TSPAN9: variants seen among roughly 807,000 people sequenced by gnomAD.
TSPAN9 encodes tetraspanin 9, also known as tetraspanin-9.
In TSPAN9, 16 loss-of-function variants were observed where a neutral mutation model predicts 31.0. That is an observed-to-expected ratio of 0.52 (90% CI 0.35 to 0.78). TSPAN9 has a LOEUF of 0.78. TSPAN9 is among the 30% of genes least tolerant of loss of function. TSPAN9 has a pLI of 0.01. For synonymous variants in TSPAN9, 145 were observed against 121.6 expected, an observed-to-expected ratio of 1.19 and a Z score of -1.27; for missense variants, 272 against 312.5, an observed-to-expected ratio of 0.87 and a Z score of 0.98.
At chr12:3,140,352 G>A (rs546603903) in intron 2 of TSPAN9, among the ~76,000 whole-genome samples, 5 of 152,256 alleles carry the variant, frequency 3.3e-5, no homozygotes, top group Non-Finnish European at 7.4e-5. Flanking sequence ...CATCGAACAA[G>A]ATACGGGCCA....
chr12:3,095,927 A>G (rs1415990821), intron 2 of TSPAN9, among the ~76,000 whole-genome samples: 2 of 147,716 alleles, frequency 1.4e-5, no homozygotes, highest in Non-Finnish European at 3.0e-5. Flanking sequence ...CACTTCCCAG[A>G]CGGGGTGGCG....
intron 2 of TSPAN9, among the ~76,000 whole-genome samples, chr12:3,176,466 G>T (rs533960720): frequency 6.6e-6 from 1 of 152,372 alleles, no homozygotes; most frequent in South Asian, 2.1e-4. Flanking sequence ...GTGGGCTGGG[G>T]ATTGTCACAT....
chr12:3,145,213 G>A (rs1427132469), intron 2 of TSPAN9, among the ~76,000 whole-genome samples: 1 of 152,168 alleles, frequency 6.6e-6, no homozygotes, highest in African/African-American at 2.4e-5. Flanking sequence ...GACCGCGACT[G>A]CCCTTGCATT....
At chr12:3,235,705 G>A (rs1488912832) in intron 3 of TSPAN9, among the ~76,000 whole-genome samples, 1 of 152,182 alleles carries the variant, frequency 6.6e-6, no homozygotes, top group Non-Finnish European at 1.5e-5. Context: ...TGGGGAAGGC[G>A]GTGCCTCTGT....
At chr12:3,093,852 G>A (rs1192408436) in intron 2 of TSPAN9, among the ~76,000 whole-genome samples, 1 of 152,060 alleles carries the variant, frequency 6.6e-6, no homozygotes, top group African/African-American at 2.4e-5. Context: ...TTGTTTTATT[G>A]TTAATTTGTA....
intron 3 of TSPAN9, among the ~76,000 whole-genome samples, chr12:3,216,990 T>C (rs1381036481): frequency 6.6e-6 from 1 of 152,092 alleles, no homozygotes; most frequent in Non-Finnish European, 1.5e-5. Flanking sequence ...TGAACTGCAG[T>C]TGGAGGAAGG....
rs897229447 is a variant in TSPAN9 at position 3,283,590 on chromosome 12, C to T, written c.*474C>T. ...TCTGGGCAAGGCCCCTGGAGCATCT[C>T]GCCCAGGCTTTTTATACCTTACAAT... On this transcript the variant is annotated 3_prime_UTR_variant, in exon 9 of 9. Transcript: ENST00000011898. 14 of 156,828 alleles carry T rather than the reference C, an allele frequency of 8.9e-5. No individual in the cohort carries two copies. Among genetic ancestry groups the T allele is most frequent in the East Asian group, 1.9e-4 (1 of 5,360 alleles). The allele number at this position is 156,828 out of a possible 1,614,324, so 9.7% of individuals were successfully genotyped here. A position where few individuals can be genotyped will look rare whatever the true frequency, so the allele number is the denominator to read the frequency against.
intron 3 of TSPAN9, among the ~76,000 whole-genome samples, chr12:3,217,620 CT>C (rs1231303880): frequency 6.6e-6 from 1 of 151,866 alleles, no homozygotes; most frequent in Non-Finnish European, 1.5e-5. Flanking sequence ...AATTCAGAGA[CT>C]TTTCCCTTTG....
intron 2 of TSPAN9, among the ~76,000 whole-genome samples, chr12:3,137,665 G>C (rs959169732): frequency 6.6e-6 from 1 of 152,114 alleles, no homozygotes; most frequent in African/African-American, 2.4e-5. Context: ...CTCCAGCTGC[G>C]TCCTCCCTGT....
At chr12:3,167,079 G>A (rs1405133293) in intron 2 of TSPAN9, among the ~76,000 whole-genome samples, 1 of 152,200 alleles carries the variant, frequency 6.6e-6, no homozygotes, top group Non-Finnish European at 1.5e-5. Flanking sequence ...TTACAGGTAT[G>A]AGCCACCACG....
intron 2 of TSPAN9, among the ~76,000 whole-genome samples, chr12:3,118,452 G>A (rs186647746): frequency 0.012 from 1,857 of 151,524 alleles, 31 homozygotes; most frequent in South Asian, 0.069. Flanking sequence ...GTAGAGACGG[G>A]GTTTTACCAT....
At chr12:3,097,697 C>G (rs889237727) in intron 2 of TSPAN9, among the ~76,000 whole-genome samples, 8 of 152,222 alleles carry the variant, frequency 5.3e-5, no homozygotes, top group African/African-American at 9.6e-5. Flanking sequence ...GGAATGGCTC[C>G]CCCCGCAATC....
chr12:3,126,671 G>A (rs188838937), intron 2 of TSPAN9, among the ~76,000 whole-genome samples: 1 of 152,300 alleles, frequency 6.6e-6, no homozygotes, highest in East Asian at 1.9e-4. Flanking sequence ...CACTTTGGGA[G>A]GCGGAGGCAG....
chr12:3,117,735 T>C (rs2098323096), intron 2 of TSPAN9, among the ~76,000 whole-genome samples: 1 of 152,228 alleles, frequency 6.6e-6, no homozygotes, highest in Admixed American at 6.5e-5. Context: ...AATTCTCCTG[T>C]CCATCTGTTC....
chr12:3,276,470 C>T (rs2153980575), intron 3 of TSPAN9, among the ~76,000 whole-genome samples: 1 of 152,336 alleles, frequency 6.6e-6, no homozygotes, highest in South Asian at 2.1e-4. Context: ...CTTGGCTGGC[C>T]AGGCTCCTTC....
chr12:3,094,536 T>C (rs1177367796), intron 2 of TSPAN9, among the ~76,000 whole-genome samples: 1 of 139,856 alleles, frequency 7.2e-6, no homozygotes, highest in Non-Finnish European at 1.6e-5. Flanking sequence ...GTTGTTGTTG[T>C]TGTTTTTTTT....
chr12:3,085,511 C>T (rs1448123641), intron 2 of TSPAN9, among the ~76,000 whole-genome samples: 1 of 152,116 alleles, frequency 6.6e-6, no homozygotes, highest in Admixed American at 6.5e-5. Flanking sequence ...ATGGCTGTGG[C>T]TCCAGGGGGC....
chr12:3,088,084 A>C (rs1180983990), intron 2 of TSPAN9, among the ~76,000 whole-genome samples: 1 of 152,206 alleles, frequency 6.6e-6, no homozygotes, highest in East Asian at 1.9e-4. Flanking sequence ...TGCCCAGCTG[A>C]GTTTGAATGA....
intron 2 of TSPAN9, among the ~76,000 whole-genome samples, chr12:3,127,783 T>A (rs1303008112): frequency 6.6e-6 from 1 of 152,236 alleles, no homozygotes; most frequent in African/African-American, 2.4e-5. Flanking sequence ...TAATTGTATG[T>A]GCTGTGGTAG....
Sources: gnomAD v4.1 joint callset for allele counts (sites outside exome capture counted in the v4.1 genomes callset) on GRCh38, gnomAD v4.1.1 for gene constraint, MANE v1.5 for transcripts, NCBI Gene and HGNC (gene_info 2026-07-23, HGNC 2026-07-21) for gene names.